The following CEP63 variants were observed in gnomAD, a reference collection of about 807,000 sequenced individuals.
CEP63 encodes the protein centrosomal protein 63, also known as centrosomal protein of 63 kDa.
Under a neutral mutation model 89.1 loss-of-function variants are expected in CEP63, and 84 were observed. The ratio of observed to expected loss-of-function variants is 0.94; its 90% CI spans 0.79 to 1.13. CEP63 has a LOEUF of 1.13. Ranked by LOEUF, CEP63 falls within the 50% of genes most tolerant of loss-of-function variation. The probability of loss-of-function intolerance (pLI) is 0.00; values close to 1 mark genes in which losing one functional copy is unlikely to be tolerated. For missense variants in CEP63, 838 were observed against 813.3 expected, an observed-to-expected ratio of 1.03 and a Z score of -0.37; for synonymous variants, 267 against 272.5, an observed-to-expected ratio of 0.98 and a Z score of 0.20.
chr3:134,499,939 T>A (rs1941454540), intron 2 of CEP63, among the ~76,000 whole-genome samples: 5 of 151,532 alleles, frequency 3.3e-5, no homozygotes, highest in Admixed American at 3.3e-4. Context: ...GTCTCCTGTC[T>A]CAGCCTTGCA....
chr3:134,552,050 G>A, intron 12 of CEP63, 38 bp downstream of exon 12: 1 of 1,099,784 alleles, frequency 9.1e-7, no homozygotes, highest in South Asian at 1.3e-5. Context: ...TACTATCCAA[G>A]CCTTCAAAAA....
chr3:134,701,335 C>CGTATATATGTGTATATAT, the CEP63 span, among the ~76,000 whole-genome samples: 10 of 12,264 alleles, frequency 8.2e-4, no homozygotes, highest in Admixed American at 2.0e-3. Flanking sequence ...CATATACACA[C>CGTATATATGTGTATATAT]ACATATACGT....
the CEP63 span, among the ~76,000 whole-genome samples, chr3:134,757,356 C>T: frequency 6.6e-6 from 1 of 152,190 alleles, no homozygotes; most frequent in Non-Finnish European, 1.5e-5. Flanking sequence ...TTATCTTGCT[C>T]AAACTCCCAT....
At chr3:134,523,966 T>TA (rs1948073461) in intron 3 of CEP63, among the ~76,000 whole-genome samples, 2 of 152,232 alleles carry the variant, frequency 1.3e-5, no homozygotes, top group Non-Finnish European at 2.9e-5. Flanking sequence ...GTTGAATCTA[T>TA]AAATTGCTTT....
chr3:134,660,405 T>C, the CEP63 span, among the ~76,000 whole-genome samples: 7 of 152,328 alleles, frequency 4.6e-5, no homozygotes, highest in African/African-American at 1.7e-4. Context: ...TATCCTGAGT[T>C]CATAGATGAG....
the CEP63 span, among the ~76,000 whole-genome samples, chr3:134,725,528 T>C: frequency 6.6e-6 from 1 of 152,230 alleles, no homozygotes; most frequent in Non-Finnish European, 1.5e-5. Flanking sequence ...GCCAGGTTTT[T>C]ACTTTTCCAA....
chr3:134,619,258 G>A, the CEP63 span: 1 of 1,613,090 alleles, frequency 6.2e-7, no homozygotes, highest in African/African-American at 1.3e-5. Flanking sequence ...CAGCTGCAAT[G>A]TCATACTCTA....
chr3:134,676,329 A>C, the CEP63 span, among the ~76,000 whole-genome samples: 1 of 152,236 alleles, frequency 6.6e-6, no homozygotes, highest in Non-Finnish European at 1.5e-5. Flanking sequence ...AACCAATCAC[A>C]AAAGATGACA....
At chr3:134,714,444 C>G in the CEP63 span, among the ~76,000 whole-genome samples, 1 of 152,158 alleles carries the variant, frequency 6.6e-6, no homozygotes, top group African/African-American at 2.4e-5. Flanking sequence ...TCCACTGGTG[C>G]TTTTTGAATG....
chr3:134,752,715 C>T, the CEP63 span, among the ~76,000 whole-genome samples: 21 of 152,138 alleles, frequency 1.4e-4, no homozygotes, highest in Non-Finnish European at 2.9e-4. Flanking sequence ...ACGGGACCAG[C>T]AATTGTAGAA....
chr3:134,717,473 C>G, the CEP63 span, among the ~76,000 whole-genome samples: 1 of 152,128 alleles, frequency 6.6e-6, no homozygotes, highest in Admixed American at 6.5e-5. Context: ...CACCTTGTCT[C>G]AAATAAGTGG....
the CEP63 span, among the ~76,000 whole-genome samples, chr3:134,694,394 G>T: frequency 6.6e-6 from 1 of 152,202 alleles, no homozygotes; most frequent in Non-Finnish European, 1.5e-5. Flanking sequence ...AGTCACTGTT[G>T]TTCCCCAAAC....
At chr3:134,581,058 G>T in intron 10 of CEP63, among the ~76,000 whole-genome samples, 1 of 152,058 alleles carries the variant, frequency 6.6e-6, no homozygotes, top group East Asian at 1.9e-4. Context: ...GATGGATGGG[G>T]GCCATGAGCC....
At chr3:134,579,969 G>A (rs1368342199), downstream of CEP63, among the ~76,000 whole-genome samples, 1 of 152,172 alleles carries the variant, frequency 6.6e-6, no homozygotes, top group African/African-American at 2.4e-5. Context: ...GGAGGCCAAG[G>A]TGGATCACCT....
At chr3:134,710,709 T>C in the CEP63 span, among the ~76,000 whole-genome samples, 1 of 142,974 alleles carries the variant, frequency 7.0e-6, no homozygotes, top group East Asian at 2.3e-4. Context: ...TCCATTCCTT[T>C]TTTTTTCTTT....
the CEP63 span, among the ~76,000 whole-genome samples, chr3:134,654,979 T>A: frequency 3.4e-4 from 52 of 152,302 alleles, 1 homozygote; most frequent in East Asian, 9.9e-3. Context: ...ATCAATCCCC[T>A]CTGGAGCAGT....
chr3:134,759,481 C>G, the CEP63 span, among the ~76,000 whole-genome samples: 1 of 152,182 alleles, frequency 6.6e-6, no homozygotes, highest in Non-Finnish European at 1.5e-5. Context: ...GGTAATTCAT[C>G]CAAGTGAGCA....
intron 2 of CEP63, among the ~76,000 whole-genome samples, chr3:134,505,877 A>C (rs530357576): frequency 6.6e-6 from 1 of 152,248 alleles, no homozygotes; most frequent in Admixed American, 6.5e-5. Context: ...AGTTTAAAAA[A>C]CTTATCTGAG....
Position 134,510,489 on chromosome 3 carries a change from A to G in CEP63, c.222+3203A>G, listed in dbSNP as rs1944586901. On this transcript the variant is annotated intron_variant, in intron 3 of 14. Coordinates refer to ENST00000675561, the MANE Select transcript of CEP63 (RefSeq NM_001353108.3). ...GAATCGACTGTTGAGCCTTTCTACT[A>G]TTAATTACCATATATGTGCCTTTTT... 4.6e-5 allele frequency: 15 copies of G among 324,260 alleles called. No individual in the cohort carries two copies. The South Asian group carries it at 5.3e-4, about 12-fold the overall frequency. 20.1% of individuals were successfully genotyped at this position (324,260 alleles called of 1,614,324 possible).
Sources: allele counts gnomAD v4.1 joint callset (sites outside exome capture counted in the v4.1 genomes callset), GRCh38; gene constraint gnomAD v4.1.1; transcripts MANE v1.5; gene names NCBI Gene and HGNC (gene_info 2026-07-23, HGNC 2026-07-21).